DCC: variants seen among roughly 807,000 people sequenced by gnomAD.
DCC encodes DCC netrin 1 receptor, also known as netrin receptor DCC.
Under a neutral mutation model 172.5 loss-of-function variants are expected in DCC, and 58 were observed. The observed-to-expected ratio is 0.34, with a 90% CI of 0.27 to 0.42. The LOEUF (loss-of-function observed/expected upper bound fraction) is 0.42, where lower values mean the gene tolerates loss of function less well. DCC is among the 10% of genes least tolerant of loss of function. The pLI, the probability that DCC is intolerant of heterozygous loss-of-function variation, is 1.00. For missense variants in DCC, 1,740 were observed against 1,791.0 expected, an observed-to-expected ratio of 0.97 and a Z score of 0.51; for synonymous variants, 709 against 644.5, an observed-to-expected ratio of 1.10 and a Z score of -1.52.
At chr18:53,155,734 G>A (rs2054720511) in intron 7 of DCC, among the ~76,000 whole-genome samples, 1 of 152,162 alleles carries the variant, frequency 6.6e-6, no homozygotes, top group Non-Finnish European at 1.5e-5. Context: ...ACTTCAAATT[G>A]TTTCCAAACA....
intron 1 of DCC, among the ~76,000 whole-genome samples, chr18:52,716,749 C>T (rs577010606): frequency 6.6e-6 from 1 of 152,184 alleles, no homozygotes; most frequent in African/African-American, 2.4e-5. Flanking sequence ...GTCCTAGCTC[C>T]CTGTAGTCCT....
chr18:53,156,171 T>C (rs900309280), intron 7 of DCC, among the ~76,000 whole-genome samples: 1 of 152,060 alleles, frequency 6.6e-6, no homozygotes, highest in Non-Finnish European at 1.5e-5. Context: ...ATATTTTAAC[T>C]GTGAAATGAA....
At chr18:53,015,846 TATAG>T (rs1186184812) in intron 5 of DCC, among the ~76,000 whole-genome samples, 8 of 152,094 alleles carry the variant, frequency 5.3e-5, no homozygotes, top group Admixed American at 2.6e-4. Context: ...CATTACAGTC[TATAG>T]ATAAACTCTT....
intron 24 of DCC, among the ~76,000 whole-genome samples, chr18:53,460,056 GAAAAAAAAAAA>G (rs55871112): frequency 1.3e-5 from 1 of 75,986 alleles, no homozygotes; most frequent in South Asian, 4.7e-4. Context: ...AAAGGGATCT[GAAAAAAAAAAA>G]AAAAAAAAGC....
intron 2 of DCC, among the ~76,000 whole-genome samples, chr18:52,876,982 A>G (rs1038350492): frequency 6.6e-6 from 1 of 152,230 alleles, no homozygotes; most frequent in Non-Finnish European, 1.5e-5. Flanking sequence ...ATAAACAATG[A>G]ATATGTTTTT....
At chr18:52,471,918 A>G (rs1418259459) in intron 1 of DCC, among the ~76,000 whole-genome samples, 2 of 152,196 alleles carry the variant, frequency 1.3e-5, no homozygotes, top group African/African-American at 4.8e-5. Context: ...ACTGAAAAGG[A>G]GTCTCCAACA....
intron 1 of DCC, among the ~76,000 whole-genome samples, chr18:52,583,137 G>C (rs2144780933): frequency 6.6e-6 from 1 of 152,154 alleles, no homozygotes; most frequent in African/African-American, 2.4e-5. Flanking sequence ...TATAATATCT[G>C]ATATTTTGGT....
At chr18:53,163,456 G>A (rs2054873060) in intron 8 of DCC, among the ~76,000 whole-genome samples, 1 of 152,160 alleles carries the variant, frequency 6.6e-6, no homozygotes, top group Non-Finnish European at 1.5e-5. Context: ...TAGCTGTGAT[G>A]TTTGTTTGTT....
At chr18:52,671,267 T>C (rs555000317) in intron 1 of DCC, among the ~76,000 whole-genome samples, 16 of 152,026 alleles carry the variant, frequency 1.1e-4, no homozygotes, top group South Asian at 2.1e-4. Context: ...CGGTCACCAA[T>C]TGAGAGAGAA....
At chr18:52,793,024 G>A (rs2037806046) in intron 2 of DCC, among the ~76,000 whole-genome samples, 1 of 148,482 alleles carries the variant, frequency 6.7e-6, no homozygotes, top group South Asian at 2.3e-4. Context: ...GGAGAGAGGA[G>A]CTCTTGTGTG....
At chr18:53,517,470 AATAATAAAG>A in intron 27 of DCC, among the ~76,000 whole-genome samples, 1 of 149,316 alleles carries the variant, frequency 6.7e-6, no homozygotes, top group African/African-American at 2.4e-5. Context: ...TAATAATAAT[AATAATAAAG>A]GATATAGGGT....
In DCC at chr18:53,402,815, G is replaced by A; in HGVS notation, c.2857G>A (p.Val953Ile). The change falls in exon 19 of 29, where the codon GTC becomes ATC. Residue 953 changes from valine to isoleucine, a missense_variant. Val to Ile is a conservative substitution (Grantham distance 29). This residue lies in a region of DCC where 1,732 missense variants were observed against 1,767.4 expected (regional missense o/e 0.98). Transcript: ENST00000442544. ...APTSAPKDLT[V>I]ITREGKPRAV... is the part of the protein sequence containing the mutation. ...CACCTCTGCTCCCAAGGACTTGACAGTCATTACTAGGGAAGGGAAGCCTCG... is the reference window on the plus strand; with the variant it reads ...CACCTCTGCTCCCAAGGACTTGACAATCATTACTAGGGAAGGGAAGCCTCG... 6.2e-7 allele frequency: 1 copy of A among 1,614,046 alleles called. No homozygotes were observed. The highest frequency in any genetic ancestry group is 1.1e-5 in the South Asian group (1 of 91,080).
intron 1 of DCC, among the ~76,000 whole-genome samples, chr18:52,642,169 C>T (rs769934874): frequency 4.0e-5 from 6 of 151,612 alleles, no homozygotes; most frequent in South Asian, 2.1e-4. Context: ...ACAGCGTTTG[C>T]GGTGACCTGG....
intron 5 of DCC, among the ~76,000 whole-genome samples, chr18:52,926,817 GTA>G (rs1240516358): frequency 2.2e-5 from 3 of 134,958 alleles, no homozygotes; most frequent in Non-Finnish European, 4.8e-5. Context: ...ATATGTGTGT[GTA>G]TATATACATA....
At chr18:52,396,426 C>A (rs1986233290) in intron 1 of DCC, among the ~76,000 whole-genome samples, 1 of 151,976 alleles carries the variant, frequency 6.6e-6, no homozygotes, top group African/African-American at 2.4e-5. Context: ...TTCAGCTTTA[C>A]AATCTGCCAA....
At chr18:52,546,112 C>T (rs993937430) in intron 1 of DCC, among the ~76,000 whole-genome samples, 41 of 152,202 alleles carry the variant, frequency 2.7e-4, no homozygotes, top group African/African-American at 8.0e-4. Flanking sequence ...GCACTTGATT[C>T]GAGAGGTGTC....
Position 52,907,319 on chromosome 18 carries a change from T to TATATGG in DCC, c.697+995_697+996insGGATAT, listed in dbSNP as rs879384588. ...ATATGGATATATACATATGTATATG[T>TATATGG]ATATATCCATATGGATATATACATA... On this transcript the variant is annotated intron_variant, in intron 3 of 28. Transcript: ENST00000442544. 2.3e-3 allele frequency among the ~76,000 whole-genome samples: 333 copies of TATATGG among 147,672 alleles called. 1 individual carries two copies. The highest frequency in any genetic ancestry group is 7.4e-3 in the African/African-American group (302 of 40,730).
At chr18:52,601,078 C>G (rs2034007979) in intron 1 of DCC, among the ~76,000 whole-genome samples, 1 of 151,980 alleles carries the variant, frequency 6.6e-6, no homozygotes, top group South Asian at 2.1e-4. Flanking sequence ...AATAAAAAAG[C>G]CCAGAAATCT....
intron 15 of DCC, among the ~76,000 whole-genome samples, chr18:53,360,219 TATATC>T (rs1449890317): frequency 1.3e-5 from 2 of 152,110 alleles, no homozygotes; most frequent in African/African-American, 2.4e-5. Context: ...TAAGATACTG[TATATC>T]TTATATATAC....
Sources: allele counts gnomAD v4.1 joint callset (sites outside exome capture counted in the v4.1 genomes callset), GRCh38; gene constraint gnomAD v4.1.1; regional missense constraint gnomAD v4.1.1; transcripts MANE v1.5; gene names NCBI Gene and HGNC (gene_info 2026-07-23, HGNC 2026-07-21).